Variants in KCNN3 observed in about 807,000 individuals in gnomAD.
KCNN3 encodes potassium calcium-activated channel subfamily N member 3.
A neutral mutation model predicts 62.9 loss-of-function variants in KCNN3; 16 were observed. The observed-to-expected ratio is 0.25, with a 90% CI of 0.17 to 0.39. The LOEUF (loss-of-function observed/expected upper bound fraction) is 0.39. Among genes scored for constraint, KCNN3 ranks in the 10% least tolerant of loss-of-function variants. The probability of loss-of-function intolerance (pLI) is 1.00; values close to 1 mark genes in which losing one functional copy is unlikely to be tolerated. For synonymous variants in KCNN3, 370 were observed against 389.2 expected (o/e 0.95, Z 0.58); for missense variants, 599 against 949.4 (o/e 0.63, Z 4.85).
Position 154,714,963 on chromosome 1 carries a change from A to G in KCNN3, c.1742T>C (p.Leu581Ser). ...TAGCAGCTTTGTGTGTTTATAGATT[A>G]ACCATGTTTCCCGAAGGACATTGGC... Reference protein sequence around the residue: ...AAANVLRETWLIYKHTKLLKK... With the variant: ...AAANVLRETWSIYKHTKLLKK... The change falls in exon 6 of 8, where the codon TTA becomes TCA. Residue 581 changes from leucine (L) to serine (S), a missense_variant. Coordinates refer to ENST00000271915, the MANE Select transcript of KCNN3 (RefSeq NM_002249.6). 1 of 1,613,782 alleles carries G rather than the reference A, an allele frequency of 6.2e-7. No homozygotes were observed. The highest frequency in any genetic ancestry group is 8.5e-7 in the Non-Finnish European group (1 of 1,179,756).
At chr1:154,843,252 A>G (rs1457669560) in intron 1 of KCNN3, among the ~76,000 whole-genome samples, 1 of 151,780 alleles carries the variant, frequency 6.6e-6, no homozygotes, top group African/African-American at 2.4e-5. Context: ...CCCTGCATCC[A>G]TCCACCCTGC....
chr1:154,723,329 G>A (rs1358309088), intron 5 of KCNN3, among the ~76,000 whole-genome samples: 1 of 152,198 alleles, frequency 6.6e-6, no homozygotes, highest in Non-Finnish European at 1.5e-5. Flanking sequence ...ATATTAAAGA[G>A]ACATTTCAAC....
At chr1:154,714,483 T>C (rs1366055246) in intron 6 of KCNN3, among the ~76,000 whole-genome samples, 3 of 2,712 alleles carry the variant, frequency 1.1e-3, no homozygotes, top group Non-Finnish European at 2.5e-3. Context: ...GGTGTGTGTG[T>C]GGTTTGTGTG....
At chr1:154,838,775 T>C (rs568165101) in intron 1 of KCNN3, among the ~76,000 whole-genome samples, 1 of 152,196 alleles carries the variant, frequency 6.6e-6, no homozygotes, top group Non-Finnish European at 1.5e-5. Context: ...GGCTGTGAGC[T>C]CTTTGAGTGT....
intron 2 of KCNN3, among the ~76,000 whole-genome samples, chr1:154,805,598 G>A (rs1024650388): frequency 5.9e-5 from 9 of 152,130 alleles, no homozygotes; most frequent in Admixed American, 1.3e-4. Context: ...TACTTCTCCC[G>A]CTGTGGTCGG....
chr1:154,822,412 G>A (rs573639012), intron 1 of KCNN3, among the ~76,000 whole-genome samples: 1 of 152,282 alleles, frequency 6.6e-6, no homozygotes, highest in South Asian at 2.1e-4. Flanking sequence ...TGTTTTCTCG[G>A]GCTAAGTCGT....
At chr1:154,711,061 C>G (rs1484563912) in intron 7 of KCNN3, among the ~76,000 whole-genome samples, 2 of 152,036 alleles carry the variant, frequency 1.3e-5, no homozygotes, top group Non-Finnish European at 2.9e-5. Flanking sequence ...TATTGTGGCA[C>G]TATTCACAAT....
intron 1 of KCNN3, among the ~76,000 whole-genome samples, chr1:154,843,785 A>G (rs768017405): frequency 3.3e-5 from 5 of 152,220 alleles, no homozygotes; most frequent in Admixed American, 3.3e-4. Context: ...AATAGTTACA[A>G]TTCCAGACGG....
intron 3 of KCNN3, among the ~76,000 whole-genome samples, chr1:154,765,628 C>CTT (rs55633526): frequency 8.5e-5 from 11 of 129,722 alleles, no homozygotes; most frequent in Admixed American, 2.4e-4. Context: ...TTTCTTTTTC[C>CTT]TTTTTTTTTT....
rs140695760 is a variant in KCNN3, at chr1:154,749,156, C to T, written c.1449-16012G>A. 1.4e-4 allele frequency among the ~76,000 whole-genome samples: 21 copies of T among 152,320 alleles called. No individual in the cohort carries two copies. In the East Asian group the frequency reaches 4.0e-3, roughly 29 times the overall value. ...AGCCATGCTTCCCAGGAGAGTAAGA[C>T]AGAGCCAGGGCTGCCCTGTTCAGCA... On this transcript the variant is annotated intron_variant, in intron 3 of 7. Coordinates refer to ENST00000271915, the MANE Select transcript of KCNN3 (RefSeq NM_002249.6).
At chr1:154,847,210 C>A (rs762693677) in intron 1 of KCNN3, among the ~76,000 whole-genome samples, 7 of 151,904 alleles carry the variant, frequency 4.6e-5, no homozygotes, top group African/African-American at 1.2e-4. Context: ...CACTACCCCC[C>A]CCTGCCCTCG....
rs1699930002 is a variant in KCNN3, at chr1:154,704,676, A to G, written c.*3300T>C. The G allele has an allele frequency of 6.6e-6, 1 of 152,168 alleles. No individual in the cohort carries two copies. Among genetic ancestry groups the G allele is most frequent in the Non-Finnish European group, 1.5e-5 (1 of 68,052 alleles). 9.4% of individuals were successfully genotyped at this position (152,168 alleles called of 1,614,324 possible). On this transcript the variant is annotated 3_prime_UTR_variant, in exon 8 of 8. Coordinates refer to ENST00000271915, the MANE Select transcript of KCNN3 (RefSeq NM_002249.6). ...ACTGAGTTGTCAGAAAGATTATAGTAGGGGATCTGCCATTGGGTCAGTCCT... is the reference window on the plus strand; with the variant it reads ...ACTGAGTTGTCAGAAAGATTATAGTGGGGGATCTGCCATTGGGTCAGTCCT...
At chr1:154,789,111 C>T (rs891166603) in intron 2 of KCNN3, among the ~76,000 whole-genome samples, 14 of 152,308 alleles carry the variant, frequency 9.2e-5, no homozygotes, top group African/African-American at 2.9e-4. Flanking sequence ...GGCTCCTTCC[C>T]GAAGATCAGG....
At chr1:154,728,504 C>T (rs1700520021) in intron 4 of KCNN3, among the ~76,000 whole-genome samples, 1 of 152,100 alleles carries the variant, frequency 6.6e-6, no homozygotes, top group African/African-American at 2.4e-5. Context: ...GGCCAGACAT[C>T]AGCAGCCTTC....
intron 5 of KCNN3, among the ~76,000 whole-genome samples, chr1:154,718,384 AC>A (rs1700276041): frequency 1.3e-5 from 2 of 152,372 alleles, no homozygotes; most frequent in Non-Finnish European, 1.5e-5. Flanking sequence ...TCCAATGAAG[AC>A]CTTGCAAATT....
intron 3 of KCNN3, among the ~76,000 whole-genome samples, chr1:154,770,575 C>T (rs1648504335): frequency 6.6e-6 from 1 of 152,168 alleles, no homozygotes; most frequent in South Asian, 2.1e-4. Context: ...CACCATACCT[C>T]CCAACATAAT....
intron 2 of KCNN3, among the ~76,000 whole-genome samples, chr1:154,802,592 G>A (rs1650004487): frequency 6.6e-6 from 1 of 152,144 alleles, no homozygotes; most frequent in Non-Finnish European, 1.5e-5. Flanking sequence ...AACAGAGGAT[G>A]ACCTACTCAG....
intron 2 of KCNN3, among the ~76,000 whole-genome samples, chr1:154,817,506 T>A (rs76714553): frequency 0.042 from 6,363 of 152,270 alleles, 175 homozygotes; most frequent in East Asian, 0.12. Context: ...TGGTTATTAG[T>A]CCTATTTTAC....
chr1:154,707,741 C>A lies in KCNN3; in HGVS notation c.*235G>T. The A allele has an allele frequency of 1.9e-6, 1 of 519,670 alleles. No homozygotes were observed. Among genetic ancestry groups the A allele is most frequent in the South Asian group, 2.8e-5 (1 of 35,094 alleles). The allele number at this position is 519,670 out of a possible 1,614,324, so 32.2% of individuals were successfully genotyped here. A position where few individuals can be genotyped will look rare whatever the true frequency, so the allele number is the denominator to read the frequency against. On this transcript the variant is annotated 3_prime_UTR_variant, in exon 8 of 8. Transcript: ENST00000271915. ...AGCAAGGGCCCTGCCAGAGGCGTCGCTTCCTGTCATCTCCTCTTCCCGCTC... is the reference window on the plus strand; with the variant it reads ...AGCAAGGGCCCTGCCAGAGGCGTCGATTCCTGTCATCTCCTCTTCCCGCTC...
Sources: gnomAD v4.1 joint callset for allele counts (sites outside exome capture counted in the v4.1 genomes callset) on GRCh38, gnomAD v4.1.1 for gene constraint, MANE v1.5 for transcripts, NCBI Gene and HGNC (gene_info 2026-07-23, HGNC 2026-07-21) for gene names.